KAT6A: variants seen among roughly 807,000 people sequenced by gnomAD.
KAT6A encodes the protein histone acetyltransferase KAT6A.
KAT6A carries 9 observed loss-of-function variants against 198.4 expected under a neutral mutation model. The ratio of observed to expected loss-of-function variants is 0.05; its 90% CI spans 0.03 to 0.08. The LOEUF (loss-of-function observed/expected upper bound fraction) is 0.08, where lower values mean the gene tolerates loss of function less well. Ranked by LOEUF, KAT6A falls within the 10% of genes least tolerant of loss-of-function variation. KAT6A has a pLI of 1.00. For synonymous variants in KAT6A, 890 were observed against 883.0 expected, an observed-to-expected ratio of 1.01 and a Z score of -0.14; for missense variants, 2,077 against 2,509.9, an observed-to-expected ratio of 0.83 and a Z score of 3.69.
intron 6 of KAT6A, 102 bp from the exon 7 acceptor site, chr8:41,977,429 T>A: frequency 1.5e-6 from 1 of 670,914 alleles, no homozygotes; most frequent in Non-Finnish European, 2.5e-6. Flanking sequence ...ACAGCTTTAT[T>A]AAAATCTATA....
chr8:42,029,438 A>G (rs112842036), intron 2 of KAT6A, among the ~76,000 whole-genome samples: 2 of 152,096 alleles, frequency 1.3e-5, no homozygotes, highest in African/African-American at 2.4e-5. Flanking sequence ...TGTCCCTCCC[A>G]TATGTCACAT....
chr8:41,935,598 A>C (rs1246091594), intron 16 of KAT6A, among the ~76,000 whole-genome samples: 1 of 152,242 alleles, frequency 6.6e-6, no homozygotes, highest in Non-Finnish European at 1.5e-5. Flanking sequence ...ATAAAACTTA[A>C]AATTTTAACC....
In KAT6A at chr8:42,042,657, C is replaced by G. The variant is rs986076768; in HGVS notation, c.600+5721G>C. On this transcript the variant is annotated intron_variant, in intron 2 of 16. Transcript: ENST00000265713. ...ATTGGATCTTTCTGCTCCAGGTTACCCAGCTGGGAGTAACCTGAACAATAA... is the reference window on the plus strand; with the variant it reads ...ATTGGATCTTTCTGCTCCAGGTTACGCAGCTGGGAGTAACCTGAACAATAA... Among the ~76,000 whole-genome samples, 5 of 152,176 alleles carry G rather than the reference C, an allele frequency of 3.3e-5. No homozygotes were observed. In the East Asian group the frequency reaches 7.7e-4, roughly 23 times the overall value.
At position 41,981,830 on chromosome 8, in the gene KAT6A, G is replaced by A; in HGVS notation, c.825+9C>T. ...TGAAACACCCATATTAGAAGGCAGA[G>A]ATACTCACCGCATTTTTGCCTTGAT... is the stretch of plus-strand genomic sequence containing the variant. On this transcript the variant is annotated intron_variant, in intron 4 of 16. Transcript: ENST00000265713. 1 of 1,552,900 alleles carries A rather than the reference G, an allele frequency of 6.4e-7. No homozygotes were observed.
At chr8:42,027,865 T>C (rs142692669) in intron 2 of KAT6A, among the ~76,000 whole-genome samples, 121 of 152,246 alleles carry the variant, frequency 7.9e-4, no homozygotes, top group African/African-American at 2.6e-3. Flanking sequence ...AGGTGCAGCA[T>C]TAGGTAGTTT....
At chr8:41,963,299 T>C (rs1043044275) in intron 8 of KAT6A, among the ~76,000 whole-genome samples, 2 of 152,216 alleles carry the variant, frequency 1.3e-5, no homozygotes, top group Non-Finnish European at 1.5e-5. Context: ...TGTATATACA[T>C]GTACACAACC....
chr8:41,979,389 A>C (rs190217397), intron 5 of KAT6A, among the ~76,000 whole-genome samples: 171 of 151,594 alleles, frequency 1.1e-3, no homozygotes, highest in Middle Eastern at 3.5e-3. Context: ...CTGTAATCCC[A>C]TCACTTTGGG....
intron 1 of KAT6A, 72 bp downstream of exon 1, chr8:42,051,829 G>C (rs897464692): frequency 2.0e-5 from 3 of 148,896 alleles, no homozygotes; most frequent in African/African-American, 7.3e-5. Flanking sequence ...AGGCAGCGGA[G>C]TGGGCCCTGG....
Position 42,028,424 on chromosome 8 carries a change from G to A in KAT6A, c.600+19954C>T, listed in dbSNP as rs139939916. On this transcript the variant is annotated intron_variant, in intron 2 of 16. Transcript: ENST00000265713. ...GTATCTGGGTGCTCCTATATTGGGT[G>A]CGTATATATTTACCATTGTTATATC... Among the ~76,000 whole-genome samples the A allele has an allele frequency of 3.7e-3, 570 of 152,238 alleles. 4 individuals are homozygous for A. The highest frequency in any genetic ancestry group is 0.013 in the African/African-American group (535 of 41,528).
intron 2 of KAT6A, among the ~76,000 whole-genome samples, chr8:42,013,753 C>T (rs1826130471): frequency 2.0e-5 from 3 of 152,178 alleles, no homozygotes. Flanking sequence ...AAAAAGATCA[C>T]TCCACTGACT....
intron 2 of KAT6A, among the ~76,000 whole-genome samples, chr8:41,997,674 TC>T (rs1385516198): frequency 6.6e-6 from 1 of 152,144 alleles, no homozygotes; most frequent in Non-Finnish European, 1.5e-5. Context: ...CATAAGCTTC[TC>T]TCAAATCTAT....
chr8:41,965,057 G>A (rs960954366), intron 8 of KAT6A, among the ~76,000 whole-genome samples: 3 of 152,168 alleles, frequency 2.0e-5, no homozygotes, highest in Non-Finnish European at 4.4e-5. Flanking sequence ...CTACATGCAA[G>A]TCACACTGTG....
chr8:41,981,099 C>T (rs1423531948), intron 4 of KAT6A, among the ~76,000 whole-genome samples, 172 bp from the exon 5 acceptor site: 1 of 152,174 alleles, frequency 6.6e-6, no homozygotes, highest in Non-Finnish European at 1.5e-5. Context: ...GCGGGTGGAT[C>T]ATGAGGTCAG....
rs1348833376 is a variant in KAT6A at position 41,941,322 on chromosome 8, A to G, written c.2559T>C (p.His853=). ...GCTGGCTATTTGCAGGAAGACTATC[A>G]TGAGGAAGGACTTGTTTGCTCAAAC... is the stretch of plus-strand genomic sequence containing the variant. ...STRLSKQVLP[H]DSLPANSQPS... is the part of the protein sequence containing the mutation. The change falls in exon 15 of 17, where the codon CAT becomes CAC. Residue 853 remains histidine, a synonymous_variant. Coordinates refer to ENST00000265713, the MANE Select transcript of KAT6A (RefSeq NM_006766.5). The G allele has an allele frequency of 1.2e-6, 2 of 1,613,562 alleles. No individual in the cohort carries two copies. The highest frequency in any genetic ancestry group is 1.7e-6 in the Non-Finnish European group (2 of 1,179,994).
In KAT6A at chr8:41,987,512, G is replaced by C. The variant is rs761180988; in HGVS notation, c.652C>G (p.Gln218Glu). 1.9e-6 allele frequency: 3 copies of C among 1,613,752 alleles called. No homozygotes were observed. The East Asian group carries it at 6.7e-5, about 36-fold the overall frequency. The change falls in exon 3 of 17, where the codon CAA (glutamine) becomes GAA (glutamate). Residue 218 changes from glutamine to glutamate, a missense_variant. Physicochemically the swap from Gln to Glu is conservative, Grantham distance 29. Coordinates refer to ENST00000265713, the MANE Select transcript of KAT6A (RefSeq NM_006766.5). ...TCCTCTGGCTTCTTTTCTCGGTTTT[G>C]TTCTTTTGTACCAAGACAGAAACTA... ...ICSFCLGTKEQNREKKPEELI... is the reference protein window; with the variant it reads ...ICSFCLGTKEENREKKPEELI...
At chr8:41,976,056 C>T (rs974945685) in intron 7 of KAT6A, among the ~76,000 whole-genome samples, 3 of 152,096 alleles carry the variant, frequency 2.0e-5, no homozygotes, top group African/African-American at 7.2e-5. Flanking sequence ...TGGTAAAAGA[C>T]CAATCAATAA....
intron 2 of KAT6A, among the ~76,000 whole-genome samples, chr8:42,041,262 C>CT (rs201198307): frequency 0.015 from 2,328 of 150,978 alleles, 72 homozygotes; most frequent in African/African-American, 0.054. Context: ...AAACATATCT[C>CT]TGAGTTATTT....
At chr8:41,980,127 A>G (rs868104294) in intron 5 of KAT6A, among the ~76,000 whole-genome samples, 4 of 152,342 alleles carry the variant, frequency 2.6e-5, no homozygotes, top group Non-Finnish European at 2.9e-5. Context: ...TAAGAAGCCT[A>G]TAAATTATAA....
chr8:41,936,276 A>G (rs1212767207), intron 16 of KAT6A, among the ~76,000 whole-genome samples: 4 of 152,234 alleles, frequency 2.6e-5, no homozygotes, highest in African/African-American at 9.6e-5. Context: ...AATAAAAAAT[A>G]AAAAATAAAA....
Sources: allele counts gnomAD v4.1 joint callset (sites outside exome capture counted in the v4.1 genomes callset), GRCh38; gene constraint gnomAD v4.1.1; transcripts MANE v1.5; gene names NCBI Gene and HGNC (gene_info 2026-07-23, HGNC 2026-07-21).